ZNF385D: variants seen among roughly 807,000 people sequenced by gnomAD.
The protein encoded by ZNF385D is zinc finger protein 385D.
Under a neutral mutation model 35.8 loss-of-function variants are expected in ZNF385D, and 15 were observed. The observed-to-expected ratio is 0.42, with a 90% CI of 0.28 to 0.64. The LOEUF (loss-of-function observed/expected upper bound fraction) is 0.64, where lower values mean the gene tolerates loss of function less well. ZNF385D is among the 30% of genes least tolerant of loss of function. ZNF385D has a pLI of 0.23. For synonymous variants in ZNF385D, 212 were observed against 186.8 expected (o/e 1.13, Z -1.10); for missense variants, 474 against 494.6 (o/e 0.96, Z 0.39).
chr3:21,440,878 T>C (rs745845526), intron 4 of ZNF385D, among the ~76,000 whole-genome samples: 12 of 152,090 alleles, frequency 7.9e-5, no homozygotes, highest in Non-Finnish European at 1.6e-4. Flanking sequence ...GATAGAGAAG[T>C]TTCAGGAAAT....
intron 2 of ZNF385D, among the ~76,000 whole-genome samples, chr3:21,623,667 A>C (rs1401312316): frequency 6.6e-6 from 1 of 151,942 alleles, no homozygotes; most frequent in Non-Finnish European, 1.5e-5. Context: ...GTCTTAAAAC[A>C]AAAACAAAAA....
In ZNF385D at chr3:22,243,877, A is replaced by G. The variant is rs149305594; in HGVS notation, c.107-74842T>C. On this transcript the variant is annotated intron_variant, in intron 2 of 5. Transcript: ENST00000494108. The stretch of plus-strand genomic sequence containing the variant: ...CCATCCAAAGTGGTATTCAATTGAC[A>G]GCTGGAAATATGGCCCTTAAGCTCA... Among the ~76,000 whole-genome samples the G allele has an allele frequency of 3.3e-4, 50 of 151,022 alleles. 1 individual carries two copies. Among genetic ancestry groups the G allele is most frequent in the African/African-American group, 1.2e-3 (49 of 40,844 alleles).
At chr3:21,815,367 T>A (rs2073099555) in intron 3 of ZNF385D, among the ~76,000 whole-genome samples, 1 of 151,820 alleles carries the variant, frequency 6.6e-6, no homozygotes, top group Non-Finnish European at 1.5e-5. Context: ...AGACACAAAA[T>A]ACCCTTCAAA....
intron 2 of ZNF385D, among the ~76,000 whole-genome samples, chr3:22,361,771 C>G (rs1696418766): frequency 6.6e-6 from 1 of 151,960 alleles, no homozygotes; most frequent in African/African-American, 2.4e-5. Context: ...TTGCCACCCA[C>G]AAATTACTTG....
At chr3:21,427,171 A>G (rs1701059054) in intron 5 of ZNF385D, among the ~76,000 whole-genome samples, 2 of 152,200 alleles carry the variant, frequency 1.3e-5, no homozygotes, top group Admixed American at 1.3e-4. Context: ...TGGGAGCTGA[A>G]GATGACATAA....
At chr3:22,057,059 A>C (rs1429736115) in intron 3 of ZNF385D, among the ~76,000 whole-genome samples, 3 of 152,236 alleles carry the variant, frequency 2.0e-5, no homozygotes, top group Admixed American at 1.3e-4. Flanking sequence ...GATAAACAAA[A>C]TATTGAAACT....
At chr3:22,194,910 C>G (rs2728969) in intron 2 of ZNF385D, among the ~76,000 whole-genome samples, 43,248 of 151,622 alleles carry the variant, frequency 0.29, 8,238 homozygotes, top group African/African-American at 0.55. Flanking sequence ...AGGACACTAG[C>G]GTTTTTCCAA....
rs80125152 is a variant in ZNF385D, at chr3:21,845,724, A to T, written c.326-180696T>A. Among the ~76,000 whole-genome samples the T allele has an allele frequency of 2.9e-3, 437 of 152,134 alleles. 3 individuals carry two copies. Among genetic ancestry groups the T allele is most frequent in the African/African-American group, 9.9e-3 (411 of 41,564 alleles). ...TATAACATCAGGATCTTCAGTGAGA[A>T]GGCTTAAAAGTCTTGATTACTAGAA... On this transcript the variant is annotated intron_variant, in intron 3 of 5. Transcript: ENST00000494108.
At chr3:21,557,949 T>C (rs1000250083) in intron 3 of ZNF385D, among the ~76,000 whole-genome samples, 2 of 152,170 alleles carry the variant, frequency 1.3e-5, no homozygotes, top group African/African-American at 4.8e-5. Context: ...TAGAGGTGTT[T>C]ATAGTATTCT....
chr3:22,359,075 A>AAC, intron 2 of ZNF385D, among the ~76,000 whole-genome samples: 1 of 126,494 alleles, frequency 7.9e-6, no homozygotes, highest in Admixed American at 7.6e-5. Flanking sequence ...CAAAAAAACC[A>AAC]AAAAAAAAAA....
chr3:22,045,410 A>G (rs368981434), intron 3 of ZNF385D, among the ~76,000 whole-genome samples: 3 of 152,164 alleles, frequency 2.0e-5, no homozygotes, highest in Non-Finnish European at 4.4e-5. Flanking sequence ...GATGATATCC[A>G]GAACTGAAGA....
intron 4 of ZNF385D, among the ~76,000 whole-genome samples, chr3:21,447,343 C>T (rs1461922906): frequency 8.0e-6 from 1 of 125,106 alleles, no homozygotes; most frequent in Non-Finnish European, 1.7e-5. Flanking sequence ...ATTTTTCCTC[C>T]AGTAGGGCAG....
intron 3 of ZNF385D, among the ~76,000 whole-genome samples, chr3:21,796,589 A>C (rs917287952): frequency 6.6e-6 from 1 of 152,230 alleles, no homozygotes; most frequent in African/African-American, 2.4e-5. Context: ...ACAGACCTTC[A>C]GACCTTACAC....
intron 3 of ZNF385D, among the ~76,000 whole-genome samples, chr3:21,991,293 G>T (rs1695131142): frequency 6.6e-6 from 1 of 152,108 alleles, no homozygotes; most frequent in African/African-American, 2.4e-5. Flanking sequence ...TAAAATTGTA[G>T]TTATAATAAA....
intron 2 of ZNF385D, among the ~76,000 whole-genome samples, chr3:22,258,305 A>G: frequency 6.6e-6 from 1 of 151,870 alleles, no homozygotes; most frequent in Non-Finnish European, 1.5e-5. Context: ...ACACACAGCC[A>G]CATTTATGCA....
At position 21,694,042 on chromosome 3, in the gene ZNF385D, C is replaced by CTTTTTTTTTTTTTTTTTTTTTTTTTTTT. The variant is rs35586361; in HGVS notation, c.23-29015_23-29014insAAAAAAAAAAAAAAAAAAAAAAAAAAAA. On this transcript the variant is annotated intron_variant, in intron 1 of 7. Transcript: ENST00000281523. The stretch of plus-strand genomic sequence containing the variant: ...TACAGGCGCGTGCCACTACGCCTGG[C>CTTTTTTTTTTTTTTTTTTTTTTTTTTTT]TTTTTTTTTTTTTTTTTTTGAGACA... 9.0e-5 allele frequency among the ~76,000 whole-genome samples: 2 copies of CTTTTTTTTTTTTTTTTTTTTTTTTTTTT among 22,170 alleles called. 1 individual carries two copies. The highest frequency in any genetic ancestry group is 1.7e-4 in the Non-Finnish European group (2 of 11,798). The allele number at this position is 22,170 out of a possible 152,430, so 14.5% of individuals were successfully genotyped here. A position where few individuals can be genotyped will look rare whatever the true frequency, so the allele number is the denominator to read the frequency against.
intron 2 of ZNF385D, among the ~76,000 whole-genome samples, chr3:22,314,043 C>G (rs1575100558): frequency 6.6e-6 from 1 of 152,142 alleles, no homozygotes; most frequent in Non-Finnish European, 1.5e-5. Flanking sequence ...CTGAGTTACT[C>G]TAGCTCAGTG....
At chr3:22,242,425 A>G (rs2125315721) in intron 2 of ZNF385D, among the ~76,000 whole-genome samples, 1 of 151,092 alleles carries the variant, frequency 6.6e-6, no homozygotes, top group Non-Finnish European at 1.5e-5. Context: ...ATCACCAGTA[A>G]TAAGTTTTAT....
At chr3:22,317,483 T>TGTGGGAC (rs1274416899) in intron 2 of ZNF385D, among the ~76,000 whole-genome samples, 1 of 152,070 alleles carries the variant, frequency 6.6e-6, no homozygotes, top group African/African-American at 2.4e-5. Context: ...AGATATTACC[T>TGTGGGAC]GTGGGACTTT....
Sources: allele counts gnomAD v4.1 joint callset (sites outside exome capture counted in the v4.1 genomes callset), GRCh38; gene constraint gnomAD v4.1.1; transcripts MANE v1.5; gene names NCBI Gene and HGNC (gene_info 2026-07-23, HGNC 2026-07-21).